The following DNAAF5 variants were observed in gnomAD, a reference collection of about 807,000 sequenced individuals.
DNAAF5 encodes dynein axonemal assembly factor 5.
In DNAAF5, 64 loss-of-function variants were observed where a neutral mutation model predicts 75.8. That is an observed-to-expected ratio of 0.84 (90% CI 0.69 to 1.04). DNAAF5 has a LOEUF of 1.04. Among genes scored for constraint, DNAAF5 ranks in the 50% least tolerant of loss-of-function variants. DNAAF5 has a pLI of 0.00. For missense variants in DNAAF5, 1,269 were observed against 1,178.5 expected (o/e 1.08, Z -1.12); for synonymous variants, 657 against 557.2 (o/e 1.18, Z -2.52).
chr7:764,998 G>A (rs759865865), intron 8 of DNAAF5, among the ~76,000 whole-genome samples: 2 of 151,524 alleles, frequency 1.3e-5, no homozygotes, highest in Non-Finnish European at 2.9e-5. Context: ...GTGTGCGCCT[G>A]TGGCCCCAGC....
chr7:775,625 G>C (rs1002922298), intron 11 of DNAAF5, among the ~76,000 whole-genome samples: 3 of 152,112 alleles, frequency 2.0e-5, no homozygotes, highest in Non-Finnish European at 4.4e-5. Flanking sequence ...TGTATGTATT[G>C]GGGGGCAGAA....
chr7:770,156 T>G (rs1778506103), intron 8 of DNAAF5, among the ~76,000 whole-genome samples: 1 of 152,176 alleles, frequency 6.6e-6, no homozygotes, highest in African/African-American at 2.4e-5. Flanking sequence ...TTCACCATGT[T>G]GACCAGGCTG....
chr7:774,481 G>A (rs559348813), intron 10 of DNAAF5, among the ~76,000 whole-genome samples: 47 of 152,298 alleles, frequency 3.1e-4, no homozygotes, highest in African/African-American at 9.6e-4. Flanking sequence ...GCGGTTTCTC[G>A]GTTTCCGGCC....
intron 4 of DNAAF5, among the ~76,000 whole-genome samples, chr7:750,341 C>A (rs908329815): frequency 6.6e-6 from 1 of 152,222 alleles, no homozygotes; most frequent in African/African-American, 2.4e-5. Flanking sequence ...GCAACGAAAT[C>A]ACCCAATGAC....
chr7:782,420 G>A (rs1242510847), intron 12 of DNAAF5, among the ~76,000 whole-genome samples: 12 of 133,134 alleles, frequency 9.0e-5, no homozygotes, highest in East Asian at 2.3e-4. Flanking sequence ...CCCCTCACGC[G>A]GCGTCAGAAA....
intron 12 of DNAAF5, among the ~76,000 whole-genome samples, chr7:781,970 C>G (rs1298017167): frequency 6.6e-6 from 1 of 152,276 alleles, no homozygotes. Flanking sequence ...TCTGCTCATT[C>G]TTCCCTTTGC....
At chr7:765,850 G>A (rs749761338) in intron 8 of DNAAF5, among the ~76,000 whole-genome samples, 3 of 152,002 alleles carry the variant, frequency 2.0e-5, no homozygotes, top group Non-Finnish European at 2.9e-5. Flanking sequence ...GTAGGCATAC[G>A]CCACCTGGCT....
intron 4 of DNAAF5, among the ~76,000 whole-genome samples, chr7:749,778 C>G (rs1412573440): frequency 1.3e-5 from 2 of 152,166 alleles, no homozygotes; most frequent in African/African-American, 4.8e-5. Flanking sequence ...TCACTGCAAC[C>G]TCCGCCTCCC....
intron 4 of DNAAF5, among the ~76,000 whole-genome samples, chr7:747,455 G>A (rs547378597): frequency 6.6e-5 from 10 of 152,326 alleles, no homozygotes; most frequent in African/African-American, 2.2e-4. Flanking sequence ...TCCGGCTGGT[G>A]TGCAGTGGTG....
chr7:727,205 C>A lies in DNAAF5; in HGVS notation c.485C>A (p.Pro162His). 1 of 1,348,582 alleles carries A rather than the reference C, an allele frequency of 7.4e-7. No homozygotes were observed. The highest frequency in any genetic ancestry group is 9.5e-7 in the Non-Finnish European group (1 of 1,048,252). The allele number at this position is 1,348,582 out of a possible 1,614,324, so 83.5% of individuals were successfully genotyped here. Reference protein sequence around the residue: ...AVDLCGAALAPHLDDALRALR... With the variant: ...AVDLCGAALAHHLDDALRALR... The stretch of plus-strand genomic sequence containing the variant: ...GACCTGTGCGGCGCCGCGCTCGCGC[C>A]CCACCTGGACGACGCTCTGCGCGCG... Residue 162 changes from proline to histidine, a missense_variant, in exon 1 of 13, where the codon CCC (proline) becomes CAC (histidine). Transcript: ENST00000297440.
intron 11 of DNAAF5, among the ~76,000 whole-genome samples, chr7:776,039 G>GA (rs1215791743): frequency 6.6e-6 from 1 of 152,052 alleles, no homozygotes; most frequent in Non-Finnish European, 1.5e-5. Flanking sequence ...TTGTTTTATA[G>GA]AAAAAAAGCA....
chr7:744,528 A>G (rs949408944), intron 4 of DNAAF5, among the ~76,000 whole-genome samples: 2 of 152,210 alleles, frequency 1.3e-5, no homozygotes, highest in African/African-American at 4.8e-5. Context: ...GAAGACATTT[A>G]TGCAGCCAAA....
At chr7:783,877 C>A (rs1562405646) in intron 12 of DNAAF5, among the ~76,000 whole-genome samples, 1 of 152,196 alleles carries the variant, frequency 6.6e-6, no homozygotes, top group Non-Finnish European at 1.5e-5. Context: ...GAGACCAGTG[C>A]CCCTGTGCAC....
intron 2 of DNAAF5, among the ~76,000 whole-genome samples, chr7:737,366 G>C (rs1781769928): frequency 6.6e-6 from 1 of 152,294 alleles, no homozygotes; most frequent in East Asian, 1.9e-4. Flanking sequence ...AAAGTGCTGG[G>C]ATTACAGGTG....
chr7:731,983 CTGCCTTCTGACTCG>C (rs925238332), intron 2 of DNAAF5, among the ~76,000 whole-genome samples: 1 of 152,330 alleles, frequency 6.6e-6, no homozygotes, highest in Admixed American at 6.5e-5. Flanking sequence ...AAGGTCCTGA[CTGCCTTCTGACTCG>C]TAGGAAACCT....
At chr7:783,022 G>A (rs1264552698) in intron 12 of DNAAF5, among the ~76,000 whole-genome samples, 2 of 152,246 alleles carry the variant, frequency 1.3e-5, no homozygotes, top group Non-Finnish European at 2.9e-5. Context: ...AGAAGAGTCC[G>A]GCTTGTGGTG....
At chr7:765,617 C>G (rs1782796068) in intron 8 of DNAAF5, among the ~76,000 whole-genome samples, 1 of 152,188 alleles carries the variant, frequency 6.6e-6, no homozygotes, top group Admixed American at 6.5e-5. Context: ...CTCTTTGGGC[C>G]CACATCTCCT....
At chr7:781,631 A>G (rs1778946319) in intron 12 of DNAAF5, among the ~76,000 whole-genome samples, 1 of 137,300 alleles carries the variant, frequency 7.3e-6, no homozygotes, top group South Asian at 2.5e-4. Context: ...TCCCACCAGC[A>G]GCGTGAGGGT....
rs1470477437 is a variant in DNAAF5 at position 754,798 on chromosome 7, G to A, written c.1234G>A (p.Glu412Lys). 11 of 1,606,690 alleles carry A rather than the reference G, an allele frequency of 6.8e-6. No individual in the cohort carries two copies. The highest frequency in any genetic ancestry group is 6.6e-5 in the South Asian group (6 of 90,882). The change falls in exon 5 of 13, where the codon GAG (glutamate) becomes AAG (lysine). Residue 412 changes from glutamate (E) to lysine (K), a missense_variant. Coordinates refer to ENST00000297440, the MANE Select transcript of DNAAF5 (RefSeq NM_017802.4). This position sits in a 1 kb window ranked among gnomAD's most constrained non-coding sequence, Gnocchi z 4.8. Reference sequence around the variant, plus strand: ...GACCCTGTTCCAGGCCTGCACCGACGAGGAGGCAGCCGTGGTCCAAAGTGT... The same window carrying A: ...GACCCTGTTCCAGGCCTGCACCGACAAGGAGGCAGCCGTGGTCCAAAGTGT... ...LRTLFQACTD[E>K]EAAVVQSCTR...
Sources: gnomAD v4.1 joint callset for allele counts (sites outside exome capture counted in the v4.1 genomes callset) on GRCh38, gnomAD v4.1.1 for gene constraint, Gnocchi (gnomAD v3.1) non-coding constraint, MANE v1.5 for transcripts, NCBI Gene and HGNC (gene_info 2026-07-23, HGNC 2026-07-21) for gene names.